PI4K2B: variants seen among roughly 807,000 people sequenced by gnomAD.
PI4K2B encodes the protein phosphatidylinositol 4-kinase type 2 beta.
In PI4K2B, 46 loss-of-function variants were observed where a neutral mutation model predicts 56.6. The observed-to-expected ratio is 0.81, with a 90% CI of 0.64 to 1.04. The LOEUF (loss-of-function observed/expected upper bound fraction) is 1.04. Ranked by LOEUF, PI4K2B falls within the 50% of genes least tolerant of loss-of-function variation. The probability of loss-of-function intolerance (pLI) is 0.00; values close to 1 mark genes in which losing one functional copy is unlikely to be tolerated. For missense variants in PI4K2B, 556 were observed against 607.7 expected (o/e 0.91, Z 0.89); for synonymous variants, 211 against 223.8 (o/e 0.94, Z 0.51).
intron 1 of PI4K2B, among the ~76,000 whole-genome samples, chr4:25,247,713 T>G (rs1281471608): frequency 2.0e-5 from 3 of 149,806 alleles, no homozygotes; most frequent in Non-Finnish European, 1.5e-5. Flanking sequence ...TCAAGTTTCT[T>G]TTTTTTTTTG....
intron 7 of PI4K2B, among the ~76,000 whole-genome samples, chr4:25,267,162 G>C (rs1174599528): frequency 2.0e-5 from 3 of 152,236 alleles, no homozygotes; most frequent in Non-Finnish European, 4.4e-5. Flanking sequence ...CCTTTGGACA[G>C]ACCCTTGGGT....
intron 7 of PI4K2B, among the ~76,000 whole-genome samples, chr4:25,267,375 T>C (rs1200309957): frequency 6.6e-6 from 1 of 152,250 alleles, no homozygotes; most frequent in Non-Finnish European, 1.5e-5. Context: ...GTGACCTTCC[T>C]ACTGTGTGCA....
chr4:25,260,398 C>A, intron 5 of PI4K2B, 126 bp from the exon 6 acceptor site: 1 of 403,650 alleles, frequency 2.5e-6, no homozygotes, highest in Admixed American at 3.6e-5. Context: ...AAATTGTGAC[C>A]TTTAATATGC....
At chr4:25,246,579 G>A (rs1011499670) in intron 1 of PI4K2B, among the ~76,000 whole-genome samples, 2 of 152,246 alleles carry the variant, frequency 1.3e-5, no homozygotes, top group Non-Finnish European at 2.9e-5. Context: ...ATCCCACACT[G>A]GGGCCACAGG....
chr4:25,234,503 C>T, intron 1 of PI4K2B, 72 bp downstream of exon 1: 3 of 1,091,304 alleles, frequency 2.7e-6, no homozygotes, highest in Non-Finnish European at 2.3e-6. Flanking sequence ...TCGGTCCTGT[C>T]TCCCGCGCGC....
intron 3 of PI4K2B, among the ~76,000 whole-genome samples, chr4:25,256,129 G>A (rs1388607606): frequency 1.3e-5 from 2 of 152,138 alleles, no homozygotes; most frequent in Admixed American, 1.3e-4. Context: ...TGTTGCCCAG[G>A]CTGGTCTCAA....
rs796920497 is a variant in PI4K2B, at chr4:25,242,812, A to G, written c.268+8381A>G. Among the ~76,000 whole-genome samples the G allele has an allele frequency of 4.6e-5, 7 of 152,290 alleles. No individual in the cohort carries two copies. The South Asian group carries it at 1.4e-3, about 32-fold the overall frequency. ...TGGCTGGGCATTTTTTGCCCTTCGA[A>G]AGTGTCCTTCCAATGCCCAGACTTC... On this transcript the variant is annotated intron_variant, in intron 1 of 9. Transcript: ENST00000264864.
At position 25,246,948 on chromosome 4, in the gene PI4K2B, G is replaced by A. The variant is rs541760760; in HGVS notation, c.269-5373G>A. 1.1e-4 allele frequency among the ~76,000 whole-genome samples: 17 copies of A among 152,344 alleles called. 1 individual carries two copies. Among genetic ancestry groups the A allele is most frequent in the South Asian group, 2.1e-4 (1 of 4,834 alleles). On this transcript the variant is annotated intron_variant, in intron 1 of 9. Coordinates refer to ENST00000264864, the MANE Select transcript of PI4K2B (RefSeq NM_018323.4). ...CAGCCCATGCCCACCTGGAACTTGC[G>A]CTGGCCTGCAAGCGCCGCATGCAGC... is the stretch of plus-strand genomic sequence containing the variant.
At chr4:25,243,225 C>G (rs1715602597) in intron 1 of PI4K2B, among the ~76,000 whole-genome samples, 1 of 152,228 alleles carries the variant, frequency 6.6e-6, no homozygotes, top group African/African-American at 2.4e-5. Context: ...ACCCTCAGTC[C>G]TGTTGTTGGA....
intron 1 of PI4K2B, among the ~76,000 whole-genome samples, chr4:25,250,793 C>T (rs981537762): frequency 1.5e-4 from 23 of 152,174 alleles, no homozygotes; most frequent in Non-Finnish European, 2.4e-4. Context: ...AGGTGAGAGC[C>T]GATGGTAACC....
At chr4:25,259,408 CCCTAGGGAGGAATTT>C (rs1462697635) in intron 5 of PI4K2B, among the ~76,000 whole-genome samples, 2 of 152,016 alleles carry the variant, frequency 1.3e-5, no homozygotes, top group Non-Finnish European at 2.9e-5. Context: ...AGTTCCTGTC[CCCTAGGGAGGAATTT>C]CCTAGGGGCA....
intron 2 of PI4K2B, among the ~76,000 whole-genome samples, chr4:25,253,752 A>AT (rs1716149795): frequency 6.6e-6 from 1 of 152,216 alleles, no homozygotes; most frequent in Admixed American, 6.6e-5. Context: ...GCAAAAAAAG[A>AT]TTTTTTAATA....
intron 1 of PI4K2B, among the ~76,000 whole-genome samples, 174 bp from the exon 2 acceptor site, chr4:25,252,147 G>A (rs1402460900): frequency 6.7e-6 from 1 of 149,748 alleles, no homozygotes; most frequent in Non-Finnish European, 1.5e-5. Context: ...GTTATTATTT[G>A]GAAATTTAAG....
chr4:25,276,876 C>A, intron 9 of PI4K2B, 138 bp from the exon 10 acceptor site: 1 of 1,348,698 alleles, frequency 7.4e-7, no homozygotes, highest in Non-Finnish European at 9.6e-7. Flanking sequence ...ATATTTATAA[C>A]AGGTACTTAT....
At chr4:25,262,958 C>T (rs1430266851) in intron 6 of PI4K2B, among the ~76,000 whole-genome samples, 1 of 152,148 alleles carries the variant, frequency 6.6e-6, no homozygotes, top group African/African-American at 2.4e-5. Context: ...AAAAGAGACT[C>T]ACAATTCTGC....
At chr4:25,238,577 C>T (rs560588512) in intron 1 of PI4K2B, among the ~76,000 whole-genome samples, 3 of 152,152 alleles carry the variant, frequency 2.0e-5, no homozygotes, top group Non-Finnish European at 4.4e-5. Flanking sequence ...TTTCTTCCTT[C>T]TGGTGGGTTC....
chr4:25,245,612 G>A (rs559112551), intron 1 of PI4K2B, among the ~76,000 whole-genome samples: 3 of 152,272 alleles, frequency 2.0e-5, no homozygotes, highest in East Asian at 1.9e-4. Flanking sequence ...CCTGAGACCC[G>A]TGTCTTTAGT....
intron 6 of PI4K2B, among the ~76,000 whole-genome samples, chr4:25,262,877 G>T (rs1458894319): frequency 6.6e-6 from 1 of 152,094 alleles, no homozygotes; most frequent in Non-Finnish European, 1.5e-5. Flanking sequence ...CAGAAGTTAG[G>T]AACGGCCTAC....
At chr4:25,275,332 C>CT (rs1306575247) in intron 9 of PI4K2B, among the ~76,000 whole-genome samples, 1 of 152,108 alleles carries the variant, frequency 6.6e-6, no homozygotes. Flanking sequence ...TTCATAAATT[C>CT]TTTTTTTCTT....
Sources: allele counts gnomAD v4.1 joint callset (sites outside exome capture counted in the v4.1 genomes callset), GRCh38; gene constraint gnomAD v4.1.1; transcripts MANE v1.5; gene names NCBI Gene and HGNC (gene_info 2026-07-23, HGNC 2026-07-21).